FAT3: variants seen among roughly 807,000 people sequenced by gnomAD.
FAT3 encodes protocadherin Fat 3.
A neutral mutation model predicts 310.2 loss-of-function variants in FAT3; 95 were observed. That is an observed-to-expected ratio of 0.31 (90% CI 0.26 to 0.36). The LOEUF is 0.36. FAT3 is among the 10% of genes least tolerant of loss of function. FAT3 has a pLI of 1.00. For missense variants in FAT3, 5,408 were observed against 5,715.6 expected (o/e 0.95, Z 1.74); for synonymous variants, 2,314 against 2,192.9 (o/e 1.06, Z -1.54).
chr11:92,250,597 A>G (rs1037731), intron 1 of FAT3, among the ~76,000 whole-genome samples: 47,947 of 151,928 alleles, frequency 0.32, 9,125 homozygotes, highest in African/African-American at 0.53. Context: ...CTGACAGCAA[A>G]TTTAATACAT....
In FAT3 at chr11:92,774,111, T is replaced by A; in HGVS notation, c.4266T>A (p.Asp1422Glu). The change falls in exon 7 of 28, where the codon GAT becomes GAA. Residue 1422 changes from aspartate to glutamate, a missense_variant. Around this residue, in one of 5 missense-constraint regions of FAT3, gnomAD observed 4,588 missense variants for 4,809.8 expected, o/e 0.95. Transcript: ENST00000525166. ...VGTIVIAKPL[D>E]AEQRSIYNMS... ...CAATTGTCATCGCAAAACCTTTGGA[T>A]GCAGAGCAGAGGTCCATCTATAATA... is the stretch of plus-strand genomic sequence containing the variant. 1 of 1,613,770 alleles carries A rather than the reference T, an allele frequency of 6.2e-7. No individual in the cohort carries two copies. Among genetic ancestry groups the A allele is most frequent in the Non-Finnish European group, 8.5e-7 (1 of 1,179,752 alleles).
rs370396712 is a variant in FAT3, at chr11:92,354,234, C to G, written c.2122C>G (p.Leu708Val). The G allele has an allele frequency of 3.8e-5, 61 of 1,613,576 alleles. No homozygotes were observed. Among genetic ancestry groups the G allele is most frequent in the Non-Finnish European group, 5.1e-5 (60 of 1,179,870 alleles). The change falls in exon 2 of 28, where the codon CTG becomes GTG. Residue 708 changes from leucine to valine, a missense_variant. Leu to Val is a conservative substitution (Grantham distance 32). This residue lies in a region of FAT3 where 4,588 missense variants were observed against 4,809.8 expected (regional missense o/e 0.95). Transcript: ENST00000525166. Reference protein sequence around the residue: ...IKAKANGKLNLEDGFLDFYSI... With the variant: ...IKAKANGKLNVEDGFLDFYSI... ...GGCAAAAGCAAATGGGAAACTGAAT[C>G]TGGAAGATGGATTTCTTGACTTTTA...
intron 3 of FAT3, among the ~76,000 whole-genome samples, chr11:92,640,816 T>C (rs2135727270): frequency 6.6e-6 from 1 of 152,332 alleles, no homozygotes; most frequent in Non-Finnish European, 1.5e-5. Flanking sequence ...ACTGTTTCTT[T>C]CCCCAACATA....
At position 92,337,588 on chromosome 11, in the gene FAT3, C is replaced by T. The variant is rs185590209; in HGVS notation, c.-17-14508C>T. Among the ~76,000 whole-genome samples the T allele has an allele frequency of 3.9e-5, 6 of 152,280 alleles. 1 individual carries two copies. The highest frequency in any genetic ancestry group is 4.1e-4 in the South Asian group (2 of 4,832). On this transcript the variant is annotated intron_variant, in intron 1 of 27. Transcript: ENST00000525166. ...CTGAGATTACAGCTGCCTGCCACCA[C>T]GCCCAGCTAATTTTTGTATTTTTAG...
intron 2 of FAT3, among the ~76,000 whole-genome samples, chr11:92,442,080 T>A (rs1286496038): frequency 2.1e-5 from 1 of 47,614 alleles, no homozygotes; most frequent in Non-Finnish European, 3.9e-5. Flanking sequence ...AAATATATAT[T>A]TTATATATAT....
intron 2 of FAT3, among the ~76,000 whole-genome samples, chr11:92,387,657 G>A (rs982088762): frequency 1.3e-5 from 2 of 152,082 alleles, no homozygotes; most frequent in African/African-American, 2.4e-5. Flanking sequence ...GGCTTGTTGT[G>A]GTGTGCATGG....
intron 1 of FAT3, among the ~76,000 whole-genome samples, chr11:92,238,206 G>A (rs552482545): frequency 2.0e-5 from 3 of 152,252 alleles, no homozygotes; most frequent in Middle Eastern, 3.4e-3. Context: ...TGAGTATCAG[G>A]TGGATTTCTT....
chr11:92,227,121 T>C (rs919017652), intron 1 of FAT3, among the ~76,000 whole-genome samples: 2 of 152,186 alleles, frequency 1.3e-5, no homozygotes, highest in Non-Finnish European at 2.9e-5. Context: ...GGGGTTCCTG[T>C]GCGTGGGTCC....
chr11:92,408,307 A>G (rs1950178325), intron 2 of FAT3: 1 of 152,190 alleles, frequency 6.6e-6, no homozygotes, highest in South Asian at 2.1e-4. Flanking sequence ...AAATGTAGCC[A>G]CAAAGTGGGG....
intron 2 of FAT3, among the ~76,000 whole-genome samples, chr11:92,462,734 T>G (rs993874632): frequency 6.6e-6 from 1 of 152,218 alleles, no homozygotes; most frequent in Admixed American, 6.5e-5. Context: ...TAATTAGCTT[T>G]CCATTTCAAC....
intron 4 of FAT3, among the ~76,000 whole-genome samples, chr11:92,741,477 A>G (rs1945508095): frequency 1.3e-5 from 2 of 152,238 alleles, no homozygotes; most frequent in South Asian, 2.1e-4. Flanking sequence ...GGGACTAAAC[A>G]TGTGTGTCTC....
At position 92,880,588 on chromosome 11, in the gene FAT3, ATC is replaced by A. The variant is rs1949651021; in HGVS notation, c.12128-142_12128-141del. On this transcript the variant is annotated intron_variant, in intron 22 of 27. Transcript: ENST00000525166. ...TTTTTGTGGCAAGATGTTTCAAGCA[ATC>A]AATTTGCTAACCACCTTTGGAATTT... 4 of 935,908 alleles carry A rather than the reference ATC, an allele frequency of 4.3e-6. No homozygotes were observed. In the Admixed American group the frequency reaches 8.2e-5, roughly 19 times the overall value. The allele number at this position is 935,908 out of a possible 1,614,324, so 58.0% of individuals were successfully genotyped here.
At chr11:92,847,264 T>A (rs1948707514) in intron 19 of FAT3, among the ~76,000 whole-genome samples, 1 of 152,348 alleles carries the variant, frequency 6.6e-6, no homozygotes, top group South Asian at 2.1e-4. Context: ...TAGATTTGTT[T>A]AGATATAAAA....
At chr11:92,325,536 T>C (rs1241345553) in intron 1 of FAT3, among the ~76,000 whole-genome samples, 1 of 152,224 alleles carries the variant, frequency 6.6e-6, no homozygotes, top group African/African-American at 2.4e-5. Context: ...GGCAACTCCT[T>C]ACTTTAGCCC....
chr11:92,687,727 C>T (rs1042158954), intron 3 of FAT3, among the ~76,000 whole-genome samples: 1 of 152,050 alleles, frequency 6.6e-6, no homozygotes, highest in Admixed American at 6.5e-5. Flanking sequence ...GGTGGTGTTC[C>T]ACCTCTGCTA....
chr11:92,486,659 G>T (rs1952416440), intron 2 of FAT3, among the ~76,000 whole-genome samples: 1 of 152,040 alleles, frequency 6.6e-6, no homozygotes, highest in South Asian at 2.1e-4. Flanking sequence ...GTTTCCTCCA[G>T]ACATTTCCTC....
At chr11:92,574,725 C>T (rs1938378707) in intron 3 of FAT3, among the ~76,000 whole-genome samples, 1 of 152,148 alleles carries the variant, frequency 6.6e-6, no homozygotes, top group Non-Finnish European at 1.5e-5. Flanking sequence ...CACTCATCTT[C>T]ATGGACTATG....
chr11:92,855,913 T>C (rs2136319224), intron 19 of FAT3, among the ~76,000 whole-genome samples: 1 of 151,970 alleles, frequency 6.6e-6, no homozygotes, highest in Non-Finnish European at 1.5e-5. Flanking sequence ...TTAATGTTTA[T>C]AAGTAGTTAG....
intron 2 of FAT3, among the ~76,000 whole-genome samples, chr11:92,492,295 C>T (rs868451098): frequency 6.7e-6 from 1 of 148,448 alleles, no homozygotes; most frequent in Admixed American, 6.8e-5. Context: ...ATCCATTCAT[C>T]CATCCATCCA....
Sources: gnomAD v4.1 joint callset for allele counts (sites outside exome capture counted in the v4.1 genomes callset) on GRCh38, gnomAD v4.1.1 for gene constraint, gnomAD v4.1.1 regional missense constraint, MANE v1.5 for transcripts, NCBI Gene and HGNC (gene_info 2026-07-23, HGNC 2026-07-21) for gene names.